EFNA5: variants seen among roughly 807,000 people sequenced by gnomAD.
The protein encoded by EFNA5 is ephrin-A5.
Under a neutral mutation model 22.9 loss-of-function variants are expected in EFNA5, and 5 were observed. The ratio of observed to expected loss-of-function variants is 0.22; its 90% CI spans 0.11 to 0.46. EFNA5 has a LOEUF of 0.46. Among genes scored for constraint, EFNA5 ranks in the 20% least tolerant of loss-of-function variants. The probability of loss-of-function intolerance (pLI) is 0.99; values close to 1 mark genes in which losing one functional copy is unlikely to be tolerated. For missense variants in EFNA5, 237 were observed against 293.3 expected, an observed-to-expected ratio of 0.81 and a Z score of 1.40; for synonymous variants, 113 against 112.2, an observed-to-expected ratio of 1.01 and a Z score of -0.04.
intron 1 of EFNA5, among the ~76,000 whole-genome samples, chr5:107,436,662 A>T (rs1470395168): frequency 6.6e-6 from 1 of 152,120 alleles, no homozygotes; most frequent in Non-Finnish European, 1.5e-5. Context: ...CTTCAAGCAC[A>T]TGAAGCAGAG....
chr5:107,523,901 C>T (rs1001422486), intron 1 of EFNA5, among the ~76,000 whole-genome samples: 1 of 152,202 alleles, frequency 6.6e-6, no homozygotes, highest in Non-Finnish European at 1.5e-5. Flanking sequence ...TCCCTTCTTA[C>T]CTTCCAATTC....
At chr5:107,642,401 T>G (rs957162186) in intron 1 of EFNA5, among the ~76,000 whole-genome samples, 1 of 151,384 alleles carries the variant, frequency 6.6e-6, no homozygotes, top group African/African-American at 2.4e-5. Context: ...CATTCCATGA[T>G]GTATACACAT....
intron 1 of EFNA5, among the ~76,000 whole-genome samples, chr5:107,451,071 C>T (rs1015517622): frequency 1.4e-4 from 22 of 152,310 alleles, no homozygotes; most frequent in Middle Eastern, 3.4e-3. Context: ...AGATGGAAAA[C>T]GTTAAATATA....
intron 1 of EFNA5, among the ~76,000 whole-genome samples, chr5:107,631,617 T>C (rs1290944154): frequency 6.6e-6 from 1 of 152,128 alleles, no homozygotes; most frequent in Non-Finnish European, 1.5e-5. Flanking sequence ...ATTTTTGAGA[T>C]GTAGACATGT....
At chr5:107,476,056 A>ATATATATATATATTTTTTT (rs1454967869) in intron 1 of EFNA5, among the ~76,000 whole-genome samples, 7 of 115,412 alleles carry the variant, frequency 6.1e-5, no homozygotes, top group African/African-American at 2.4e-4. Flanking sequence ...CTATATATAT[A>ATATATATATATATTTTTTT]TTTTTTTTTT....
intron 1 of EFNA5, among the ~76,000 whole-genome samples, chr5:107,481,837 G>A (rs188909398): frequency 7.5e-5 from 10 of 133,002 alleles, no homozygotes; most frequent in Admixed American, 6.0e-4. Context: ...GTGGTAGAGC[G>A]AGACTCCATC....
chr5:107,476,057 T>TGTATACATATATATATATGTA, intron 1 of EFNA5, among the ~76,000 whole-genome samples: 5 of 100,438 alleles, frequency 5.0e-5, no homozygotes, highest in African/African-American at 2.5e-4. Context: ...TATATATATA[T>TGTATACATATATATATATGTA]TTTTTTTTTT....
rs77916124 is a variant in EFNA5, at chr5:107,496,336, CAA to C, written c.126-68829_126-68828del. Among the ~76,000 whole-genome samples, 591 of 79,830 alleles carry C rather than the reference CAA, an allele frequency of 7.4e-3. 4 individuals carry two copies. Among genetic ancestry groups the C allele is most frequent in the African/African-American group, 0.028 (549 of 19,780 alleles). 52.4% of individuals were successfully genotyped at this position (79,830 alleles called of 152,430 possible). A position where few individuals can be genotyped will look rare whatever the true frequency, so the allele number is the denominator to read the frequency against. On this transcript the variant is annotated intron_variant, in intron 1 of 4. Transcript: ENST00000333274. The stretch of plus-strand genomic sequence containing the variant: ...GGGCAACGAGAGCAAAATTCCATCT[CAA>C]AAAAAAAAAAAAAAACAAAAAAACA...
chr5:107,440,770 G>A (rs1451928884), intron 1 of EFNA5, among the ~76,000 whole-genome samples: 1 of 152,046 alleles, frequency 6.6e-6, no homozygotes, highest in Non-Finnish European at 1.5e-5. Context: ...GATGAGCTGG[G>A]TCAAAAAACA....
chr5:107,661,313 C>T (rs531272045), intron 1 of EFNA5, among the ~76,000 whole-genome samples: 1 of 152,152 alleles, frequency 6.6e-6, no homozygotes, highest in Admixed American at 6.5e-5. Flanking sequence ...GCCACAAAAG[C>T]TCTGTCTGAG....
Position 107,527,373 on chromosome 5 carries a change from G to A in EFNA5, c.126-99864C>T, listed in dbSNP as rs533268435. Among the ~76,000 whole-genome samples, 19 of 150,300 alleles carry A rather than the reference G, an allele frequency of 1.3e-4. No homozygotes were observed. The South Asian group carries it at 3.4e-3, about 27-fold the overall frequency. Reference sequence around the variant, plus strand: ...GCAATCTCGGCTCACTGCAACATCTGCCTCCCAGGTTCAAGCAATTCTCCT... The same window carrying A: ...GCAATCTCGGCTCACTGCAACATCTACCTCCCAGGTTCAAGCAATTCTCCT... On this transcript the variant is annotated intron_variant, in intron 1 of 4. Coordinates refer to ENST00000333274, the MANE Select transcript of EFNA5 (RefSeq NM_001962.3).
intron 1 of EFNA5, among the ~76,000 whole-genome samples, chr5:107,448,871 A>AAAT (rs776273927): frequency 7.4e-4 from 70 of 94,810 alleles, no homozygotes; most frequent in African/African-American, 1.5e-3. Flanking sequence ...ATAAATAAAT[A>AAAT]AAATAAAATA....
In EFNA5 at chr5:107,420,522, TAAAAAAA is replaced by T. The variant is rs368304882; in HGVS notation, c.418+6688_418+6694del. 1.9e-3 allele frequency among the ~76,000 whole-genome samples: 208 copies of T among 109,060 alleles called. 3 individuals are homozygous for T. The East Asian group carries it at 0.032, about 17-fold the overall frequency. The allele number at this position is 109,060 out of a possible 152,430, so 71.5% of individuals were successfully genotyped here. A position where few individuals can be genotyped will look rare whatever the true frequency, so the allele number is the denominator to read the frequency against. On this transcript the variant is annotated intron_variant, in intron 2 of 4. Transcript: ENST00000333274. ...TACACTTAACCAGAGTCTGTGCTTT[TAAAAAAA>T]AAAAAAAAAAAGAAAAAAAAAAAAG...
intron 1 of EFNA5, among the ~76,000 whole-genome samples, chr5:107,499,989 C>G (rs997012168): frequency 3.3e-5 from 5 of 152,274 alleles, no homozygotes; most frequent in African/African-American, 1.2e-4. Context: ...TGTTTCAACC[C>G]GGATCATTCA....
intron 2 of EFNA5, among the ~76,000 whole-genome samples, chr5:107,424,700 G>A (rs1342972347): frequency 6.6e-6 from 1 of 152,074 alleles, no homozygotes; most frequent in Non-Finnish European, 1.5e-5. Context: ...CAATCATCTT[G>A]TTCATTCCAC....
At chr5:107,464,763 C>A (rs767774339) in intron 1 of EFNA5, among the ~76,000 whole-genome samples, 2 of 152,164 alleles carry the variant, frequency 1.3e-5, no homozygotes, top group Non-Finnish European at 2.9e-5. Flanking sequence ...ACTTATCACA[C>A]AGAAAGAATT....
chr5:107,657,585 T>G (rs1441923532), intron 1 of EFNA5, among the ~76,000 whole-genome samples: 1 of 152,142 alleles, frequency 6.6e-6, no homozygotes, highest in Non-Finnish European at 1.5e-5. Context: ...AAGAAAAATA[T>G]TTGCTTCTGT....
At chr5:107,440,543 A>C (rs1343284786) in intron 1 of EFNA5, among the ~76,000 whole-genome samples, 1 of 152,226 alleles carries the variant, frequency 6.6e-6, no homozygotes, top group African/African-American at 2.4e-5. Flanking sequence ...AAGACGATGA[A>C]ATAAGCAGAT....
chr5:107,481,785 G>A (rs1484671642), intron 1 of EFNA5, among the ~76,000 whole-genome samples: 1 of 151,010 alleles, frequency 6.6e-6, no homozygotes, highest in East Asian at 2.0e-4. Flanking sequence ...GGGAGGCAGA[G>A]GTTGCAGTGA....
Sources: allele counts gnomAD v4.1 joint callset (sites outside exome capture counted in the v4.1 genomes callset), GRCh38; gene constraint gnomAD v4.1.1; transcripts MANE v1.5; gene names NCBI Gene and HGNC (gene_info 2026-07-23, HGNC 2026-07-21).